The following TXNDC16 variants were observed in gnomAD, a reference collection of about 807,000 sequenced individuals.
TXNDC16 encodes the protein thioredoxin domain containing 16, also known as thioredoxin domain-containing protein 16.
In TXNDC16, 74 loss-of-function variants were observed where a neutral mutation model predicts 85.6. That is an observed-to-expected ratio of 0.86 (90% CI 0.72 to 1.05). TXNDC16 has a LOEUF of 1.05. TXNDC16 is among the 50% of genes least tolerant of loss of function. The probability of loss-of-function intolerance (pLI) is 0.00; values close to 1 mark genes in which losing one functional copy is unlikely to be tolerated. For missense variants in TXNDC16, 959 were observed against 947.0 expected (o/e 1.01, Z -0.17); for synonymous variants, 335 against 326.5 (o/e 1.03, Z -0.28).
intron 9 of TXNDC16, among the ~76,000 whole-genome samples, chr14:52,506,958 T>C (rs1427720443): frequency 6.6e-6 from 1 of 151,812 alleles, no homozygotes; most frequent in African/African-American, 2.4e-5. Flanking sequence ...GCCAATATCA[T>C]ACTGAATGGG....
At chr14:52,501,616 G>T (rs2036660963) in intron 9 of TXNDC16, among the ~76,000 whole-genome samples, 1 of 152,118 alleles carries the variant, frequency 6.6e-6, no homozygotes, top group Non-Finnish European at 1.5e-5. Flanking sequence ...CAAGAAACAT[G>T]AATTCAAAGT....
chr14:52,533,156 A>G (rs187752837), intron 6 of TXNDC16, among the ~76,000 whole-genome samples: 13 of 152,256 alleles, frequency 8.5e-5, no homozygotes, highest in African/African-American at 2.9e-4. Flanking sequence ...TCAAACTCCT[A>G]TAGATGCCTG....
At chr14:52,440,458 C>A (rs1480091122) in intron 19 of TXNDC16, 106 bp downstream of exon 19, 8 of 880,054 alleles carry the variant, frequency 9.1e-6, no homozygotes, top group Non-Finnish European at 1.1e-5. Flanking sequence ...ATATTTGGTT[C>A]CATAAAATTA....
rs2034939070 is a variant in TXNDC16 at position 52,432,916 on chromosome 14, G to GTA, written c.2195-330_2195-329insTA. Reference sequence around the variant, plus strand: ...TCAAAAACAGCAATATGTGTAACAAGATCACATACACATATGTAAAACGTT... The same window carrying GTA: ...TCAAAAACAGCAATATGTGTAACAAGTAATCACATACACATATGTAAAACGTT... On this transcript the variant is annotated intron_variant, in intron 20 of 20. Coordinates refer to ENST00000281741, the MANE Select transcript of TXNDC16 (RefSeq NM_020784.3). Among the ~76,000 whole-genome samples the GTA allele has an allele frequency of 8.5e-5, 13 of 152,232 alleles. No individual in the cohort carries two copies. In the South Asian group the frequency reaches 2.7e-3, roughly 32 times the overall value.
chr14:52,449,441 G>C (rs534044578), intron 18 of TXNDC16, among the ~76,000 whole-genome samples: 1 of 152,074 alleles, frequency 6.6e-6, no homozygotes, highest in African/African-American at 2.4e-5. Flanking sequence ...GAGCACCCAG[G>C]TATATAAAGC....
chr14:52,484,471 T>C (rs1046003189), intron 12 of TXNDC16, among the ~76,000 whole-genome samples: 10 of 152,212 alleles, frequency 6.6e-5, no homozygotes, highest in African/African-American at 2.2e-4. Context: ...AAGATTATAA[T>C]AGAGCTGAGA....
chr14:52,496,407 C>T (rs1015380944), intron 9 of TXNDC16, among the ~76,000 whole-genome samples: 1 of 146,496 alleles, frequency 6.8e-6, no homozygotes, highest in Admixed American at 7.0e-5. Flanking sequence ...TAGGTCTGCC[C>T]TCCAACTCGT....
intron 9 of TXNDC16, among the ~76,000 whole-genome samples, chr14:52,496,945 A>G (rs1398474705): frequency 6.6e-6 from 1 of 152,156 alleles, no homozygotes; most frequent in Non-Finnish European, 1.5e-5. Flanking sequence ...CATTTGACAA[A>G]AAACAAAATC....
At chr14:52,538,887 C>T (rs534034749) in intron 4 of TXNDC16, among the ~76,000 whole-genome samples, 31 of 152,014 alleles carry the variant, frequency 2.0e-4, no homozygotes, top group Admixed American at 1.3e-3. Flanking sequence ...CACTAAGAAA[C>T]GAGAAATAGA....
At chr14:52,517,231 T>C (rs1233163282) in intron 7 of TXNDC16, among the ~76,000 whole-genome samples, 1 of 152,066 alleles carries the variant, frequency 6.6e-6, no homozygotes, top group Non-Finnish European at 1.5e-5. Flanking sequence ...CCCTGCCCCG[T>C]TTTTTAGGCT....
chr14:52,507,468 T>C (rs2036839609), intron 9 of TXNDC16, among the ~76,000 whole-genome samples: 3 of 151,956 alleles, frequency 2.0e-5, no homozygotes, highest in Non-Finnish European at 4.4e-5. Context: ...AGAATCAATA[T>C]CGTGAAAATG....
chr14:52,529,438 G>C (rs1040710781), intron 6 of TXNDC16, among the ~76,000 whole-genome samples: 4 of 149,402 alleles, frequency 2.7e-5, no homozygotes, highest in Non-Finnish European at 4.4e-5. Context: ...AAACCTGCAC[G>C]TTGTGCACAT....
chr14:52,438,372 C>G (rs2035081878), intron 20 of TXNDC16, among the ~76,000 whole-genome samples: 1 of 152,162 alleles, frequency 6.6e-6, no homozygotes, highest in Non-Finnish European at 1.5e-5. Flanking sequence ...GAAATTGCCA[C>G]AGCCCAAACT....
chr14:52,476,520 G>A (rs116138533), intron 14 of TXNDC16, among the ~76,000 whole-genome samples: 2,247 of 151,946 alleles, frequency 0.015, 39 homozygotes, highest in African/African-American at 0.041. Flanking sequence ...AACAATAGAC[G>A]CACTTATAGA....
At chr14:52,492,896 GTC>G (rs536197178) in intron 9 of TXNDC16, among the ~76,000 whole-genome samples, 1 of 152,262 alleles carries the variant, frequency 6.6e-6, no homozygotes, top group South Asian at 2.1e-4. Context: ...CTGCCTTGAA[GTC>G]TCTGCTTTTT....
At chr14:52,471,726 T>A (rs1839893149) in intron 14 of TXNDC16, among the ~76,000 whole-genome samples, 1 of 152,014 alleles carries the variant, frequency 6.6e-6, no homozygotes, top group African/African-American at 2.4e-5. Context: ...GTGAAACTCA[T>A]CCAGGACTTC....
intron 18 of TXNDC16, among the ~76,000 whole-genome samples, chr14:52,453,925 A>C (rs2035468567): frequency 6.6e-6 from 1 of 152,174 alleles, no homozygotes; most frequent in Non-Finnish European, 1.5e-5. Context: ...GGGATGGTTA[A>C]TGGGTACAAA....
intron 16 of TXNDC16, among the ~76,000 whole-genome samples, chr14:52,462,591 G>C (rs2035678411): frequency 1.3e-5 from 2 of 152,210 alleles, no homozygotes; most frequent in African/African-American, 2.4e-5. Context: ...AAAATGCTGG[G>C]ATTATAGGCA....
intron 12 of TXNDC16, among the ~76,000 whole-genome samples, chr14:52,487,661 T>C (rs2036301845): frequency 1.3e-5 from 2 of 152,200 alleles, no homozygotes; most frequent in African/African-American, 4.8e-5. Flanking sequence ...TGACTGTCAC[T>C]AATAATAAGA....
Sources: gnomAD v4.1 joint callset for allele counts (sites outside exome capture counted in the v4.1 genomes callset) on GRCh38, gnomAD v4.1.1 for gene constraint, MANE v1.5 for transcripts, NCBI Gene and HGNC (gene_info 2026-07-23, HGNC 2026-07-21) for gene names.